Variants in ZNF423 observed in about 807,000 individuals in gnomAD.
ZNF423 encodes zinc finger protein 423, also known as Ebf-associated zinc finger protein.
A neutral mutation model predicts 95.8 loss-of-function variants in ZNF423; 12 were observed. The observed-to-expected ratio is 0.13, with a 90% CI of 0.08 to 0.20. The LOEUF (loss-of-function observed/expected upper bound fraction) is 0.20, where lower values mean the gene tolerates loss of function less well. Among genes scored for constraint, ZNF423 ranks in the 10% least tolerant of loss-of-function variants. The pLI, the probability that ZNF423 is intolerant of heterozygous loss-of-function variation, is 1.00. For missense variants in ZNF423, 1,316 were observed against 1,737.1 expected, an observed-to-expected ratio of 0.76 and a Z score of 4.31; for synonymous variants, 749 against 711.9, an observed-to-expected ratio of 1.05 and a Z score of -0.83.
chr16:49,606,752 C>T (rs1363954415), intron 5 of ZNF423, among the ~76,000 whole-genome samples: 1 of 152,214 alleles, frequency 6.6e-6, no homozygotes, highest in Non-Finnish European at 1.5e-5. Flanking sequence ...TGGGTGAGAA[C>T]ACAGCGAGGA....
At chr16:49,585,252 G>T (rs138172555) in intron 5 of ZNF423, among the ~76,000 whole-genome samples, 44 of 152,266 alleles carry the variant, frequency 2.9e-4, no homozygotes, top group African/African-American at 9.4e-4. Context: ...AGCCGTGGCT[G>T]CCCCCAGAAC....
chr16:49,835,484 G>A (rs1190784385), intron 1 of ZNF423, among the ~76,000 whole-genome samples: 2 of 152,166 alleles, frequency 1.3e-5, no homozygotes, highest in African/African-American at 4.8e-5. Flanking sequence ...AAACAGCGAC[G>A]CCCCCTAGCC....
rs1056607791 is a variant in ZNF423 at position 49,704,492 on chromosome 16, C to T, written c.301+26279G>A. 4.6e-5 allele frequency among the ~76,000 whole-genome samples: 7 copies of T among 152,224 alleles called. No homozygotes were observed. In the East Asian group the frequency reaches 1.3e-3, roughly 29 times the overall value. ...CATACCAGGAAGCCCATTAGTCAGT[C>T]AGTCATGAGCAAACTGGGATAGCTG... On this transcript the variant is annotated intron_variant, in intron 3 of 7. Transcript: ENST00000563137.
intron 3 of ZNF423, among the ~76,000 whole-genome samples, chr16:49,652,797 G>A (rs1460935917): frequency 6.6e-6 from 1 of 152,202 alleles, no homozygotes; most frequent in Non-Finnish European, 1.5e-5. Flanking sequence ...CTAATTACAT[G>A]TAAAGTGTAC....
intron 3 of ZNF423, among the ~76,000 whole-genome samples, chr16:49,712,335 C>T (rs188136345): frequency 3.7e-4 from 56 of 152,022 alleles, no homozygotes; most frequent in East Asian, 1.2e-3. Context: ...GGTGGGGTGC[C>T]GCAAAGCTTT....
At chr16:49,589,207 C>G (rs1045840351) in intron 5 of ZNF423, among the ~76,000 whole-genome samples, 1 of 152,212 alleles carries the variant, frequency 6.6e-6, no homozygotes, top group African/African-American at 2.4e-5. Context: ...GGGGAAAACC[C>G]AGCTCTCTAG....
At chr16:49,758,721 C>T (rs1025038183) in intron 2 of ZNF423, among the ~76,000 whole-genome samples, 10 of 151,988 alleles carry the variant, frequency 6.6e-5, no homozygotes, top group East Asian at 1.9e-4. Context: ...CCAGCCTGGG[C>T]GACAGAGTGG....
At chr16:49,528,380 G>C (rs914611211) in intron 5 of ZNF423, among the ~76,000 whole-genome samples, 1 of 152,086 alleles carries the variant, frequency 6.6e-6, no homozygotes, top group African/African-American at 2.4e-5. Flanking sequence ...AAGCCGTCCG[G>C]GGCCCAAACG....
intron 3 of ZNF423, among the ~76,000 whole-genome samples, chr16:49,654,877 G>A (rs1973548304): frequency 6.6e-6 from 1 of 152,322 alleles, no homozygotes; most frequent in Admixed American, 6.5e-5. Flanking sequence ...CTCATGTCTG[G>A]AATAGTGTGA....
intron 3 of ZNF423, chr16:49,664,135 GC>G (rs1331067400): frequency 3.1e-5 from 31 of 985,588 alleles, no homozygotes; most frequent in Non-Finnish European, 3.7e-5. Flanking sequence ...ACTGGCCGAT[GC>G]CAAGAGGGCC....
In ZNF423 at chr16:49,603,808, A is replaced by C. The variant is rs1331438541; in HGVS notation, c.3601+22362T>G. On this transcript the variant is annotated intron_variant, in intron 5 of 7. Transcript: ENST00000563137. The surrounding 1 kb of genome is among the most constrained non-coding windows in gnomAD (Gnocchi z 4.1). ...TGATCTTTCCTCCATGTCTGAGAGCACCAGAGCCATGCCTGAATAATTTAT... is the reference window on the plus strand; with the variant it reads ...TGATCTTTCCTCCATGTCTGAGAGCCCCAGAGCCATGCCTGAATAATTTAT... 2.0e-5 allele frequency among the ~76,000 whole-genome samples: 3 copies of C among 152,200 alleles called. No individual in the cohort carries two copies. The highest frequency in any genetic ancestry group is 7.2e-5 in the African/African-American group (3 of 41,444).
At chr16:49,776,562 C>G (rs927363194) in intron 2 of ZNF423, among the ~76,000 whole-genome samples, 3 of 152,252 alleles carry the variant, frequency 2.0e-5, no homozygotes, top group Non-Finnish European at 4.4e-5. Flanking sequence ...CAGCCTCCCC[C>G]AGCCCCGACC....
At chr16:49,778,362 GAA>G (rs2034154837) in intron 2 of ZNF423, among the ~76,000 whole-genome samples, 2 of 152,224 alleles carry the variant, frequency 1.3e-5, no homozygotes, top group Admixed American at 1.3e-4. Flanking sequence ...GTCCACCCAG[GAA>G]GCCAACACAC....
At chr16:49,641,608 C>T (rs754946538) in intron 3 of ZNF423, among the ~76,000 whole-genome samples, 1 of 152,208 alleles carries the variant, frequency 6.6e-6, no homozygotes, top group Non-Finnish European at 1.5e-5. Context: ...TTTCACACCA[C>T]CTGAAGACCA....
intron 3 of ZNF423, among the ~76,000 whole-genome samples, chr16:49,647,180 T>C (rs1274069443): frequency 1.3e-5 from 2 of 152,152 alleles, no homozygotes; most frequent in African/African-American, 4.8e-5. Context: ...CCCCGTGACT[T>C]GAACCAGGTA....
intron 3 of ZNF423, among the ~76,000 whole-genome samples, chr16:49,639,738 G>T (rs938440405): frequency 1.3e-5 from 2 of 152,190 alleles, no homozygotes; most frequent in Admixed American, 6.5e-5. Context: ...CCACTGCAAA[G>T]GCAAGGAAGA....
intron 7 of ZNF423, among the ~76,000 whole-genome samples, chr16:49,512,658 G>A (rs570309952): frequency 4.0e-4 from 61 of 152,352 alleles, no homozygotes; most frequent in Admixed American, 2.6e-3. Context: ...GGGCCACAAT[G>A]ACCCTCAGCA....
At chr16:49,700,218 C>CAAGAAG (rs1174840870) in intron 3 of ZNF423, among the ~76,000 whole-genome samples, 3,069 of 119,268 alleles carry the variant, frequency 0.026, 139 homozygotes, top group African/African-American at 0.081. Context: ...AAAAAAAAAA[C>CAAGAAG]AAGAAGAAGA....
At chr16:49,542,834 C>T (rs1013088622) in intron 5 of ZNF423, among the ~76,000 whole-genome samples, 10 of 152,272 alleles carry the variant, frequency 6.6e-5, no homozygotes, top group South Asian at 2.1e-4. Flanking sequence ...GCCAGGTCAG[C>T]GGAAACTTGG....
Sources: allele counts gnomAD v4.1 joint callset (sites outside exome capture counted in the v4.1 genomes callset), GRCh38; gene constraint gnomAD v4.1.1; non-coding constraint Gnocchi (gnomAD v3.1); transcripts MANE v1.5; gene names NCBI Gene and HGNC (gene_info 2026-07-23, HGNC 2026-07-21).